The following SORCS3 variants were observed in gnomAD, a reference collection of about 807,000 sequenced individuals.
SORCS3 encodes VPS10 domain-containing receptor SorCS3.
In SORCS3, 57 loss-of-function variants were observed where a neutral mutation model predicts 146.3. The ratio of observed to expected loss-of-function variants is 0.39; its 90% CI spans 0.31 to 0.49. The LOEUF (loss-of-function observed/expected upper bound fraction) is 0.49. Ranked by LOEUF, SORCS3 falls within the 20% of genes least tolerant of loss-of-function variation. SORCS3 has a pLI of 0.92. For synonymous variants in SORCS3, 653 were observed against 618.5 expected (o/e 1.06, Z -0.83); for missense variants, 1,341 against 1,575.5 (o/e 0.85, Z 2.52).
intron 7 of SORCS3, among the ~76,000 whole-genome samples, chr10:105,124,656 T>G (rs2133767700): frequency 6.6e-6 from 1 of 152,314 alleles, no homozygotes; most frequent in Non-Finnish European, 1.5e-5. Context: ...GTCTGATTCT[T>G]TAATCTCCAT....
intron 8 of SORCS3, among the ~76,000 whole-genome samples, chr10:105,145,367 G>A (rs1046035898): frequency 5.9e-5 from 9 of 152,148 alleles, no homozygotes; most frequent in Non-Finnish European, 7.4e-5. Context: ...AGAGCCTGGA[G>A]CACTTGTTCA....
At chr10:105,215,769 G>A (rs1010380446) in intron 18 of SORCS3, among the ~76,000 whole-genome samples, 3 of 152,188 alleles carry the variant, frequency 2.0e-5, no homozygotes, top group Admixed American at 6.5e-5. Flanking sequence ...CATCTGGGCT[G>A]CCATGGGGGA....
Position 105,256,744 on chromosome 10 carries a change from A to C in SORCS3, c.3338-75A>C. The C allele has an allele frequency of 3.6e-6, 4 of 1,113,658 alleles. No homozygotes were observed. In the South Asian group the frequency reaches 3.9e-5, roughly 11 times the overall value. 69.0% of individuals were successfully genotyped at this position (1,113,658 alleles called of 1,614,324 possible). A position where few individuals can be genotyped will look rare whatever the true frequency, so the allele number is the denominator to read the frequency against. The stretch of plus-strand genomic sequence containing the variant: ...TGGAGATCAGTGGCCTCCTTCCTGC[A>C]ATGAATACTCCCTCCAGCTAACAGC... On this transcript the variant is annotated intron_variant, in intron 24 of 26. Coordinates refer to ENST00000369701, the MANE Select transcript of SORCS3 (RefSeq NM_014978.3).
intron 5 of SORCS3, among the ~76,000 whole-genome samples, chr10:105,055,501 A>C (rs1184858318): frequency 3.3e-5 from 5 of 152,202 alleles, no homozygotes; most frequent in Non-Finnish European, 7.4e-5. Context: ...AAAGGATACC[A>C]GATGCTACAT....
intron 1 of SORCS3, among the ~76,000 whole-genome samples, chr10:104,736,582 A>T (rs765263201): frequency 1.1e-4 from 16 of 152,172 alleles, no homozygotes; most frequent in Non-Finnish European, 2.4e-4. Flanking sequence ...ATCCCCCAAC[A>T]TCTATGGCAT....
In SORCS3 at chr10:105,256,986, A is replaced by G. The variant is rs1318083441; in HGVS notation, c.3443+62A>G. The G allele has an allele frequency of 3.4e-5, 40 of 1,181,498 alleles. No homozygotes were observed. In the Middle Eastern group the frequency reaches 1.2e-3, roughly 34 times the overall value. 73.2% of individuals were successfully genotyped at this position (1,181,498 alleles called of 1,614,324 possible). On this transcript the variant is annotated intron_variant, in intron 25 of 26. Transcript: ENST00000369701. ...GGGGTCATTGCAAATGATTCTTCCT[A>G]TAACTAACTTTACTAAACTCATCGC... is the stretch of plus-strand genomic sequence containing the variant.
At chr10:105,017,864 A>G (rs1394017448) in intron 4 of SORCS3, among the ~76,000 whole-genome samples, 1 of 152,216 alleles carries the variant, frequency 6.6e-6, no homozygotes, top group African/African-American at 2.4e-5. Flanking sequence ...TAAGAATTGT[A>G]TCAGCCAAAG....
chr10:105,264,800 G>A lies in SORCS3; in HGVS notation c.*1426G>A, dbSNP rs1227217909. ...TACACATACCAATTTTTTTCAATAG[G>A]GTCACGTTAAGCCATGCTGTAAGCA... On this transcript the variant is annotated 3_prime_UTR_variant, in exon 27 of 27. Coordinates refer to ENST00000369701, the MANE Select transcript of SORCS3 (RefSeq NM_014978.3). The A allele has an allele frequency of 6.6e-6, 1 of 152,522 alleles. No individual in the cohort carries two copies. Among genetic ancestry groups the A allele is most frequent in the Non-Finnish European group, 1.5e-5 (1 of 68,036 alleles). 9.4% of individuals were successfully genotyped at this position (152,522 alleles called of 1,614,324 possible). A position where few individuals can be genotyped will look rare whatever the true frequency, so the allele number is the denominator to read the frequency against.
intron 20 of SORCS3, among the ~76,000 whole-genome samples, chr10:105,236,582 G>T (rs972148479): frequency 6.6e-6 from 1 of 152,098 alleles, no homozygotes; most frequent in Non-Finnish European, 1.5e-5. Context: ...GGCAGTTCTT[G>T]ACTGTTACCA....
At chr10:104,656,370 G>T (rs2015629432) in intron 1 of SORCS3, among the ~76,000 whole-genome samples, 1 of 152,120 alleles carries the variant, frequency 6.6e-6, no homozygotes, top group Non-Finnish European at 1.5e-5. Flanking sequence ...CAACAGCAAA[G>T]GGGTGGCCTG....
At position 105,049,816 on chromosome 10, in the gene SORCS3, G is replaced by A. The variant is rs2055398581; in HGVS notation, c.1028+6688G>A. Among the ~76,000 whole-genome samples, 3 of 151,988 alleles carry A rather than the reference G, an allele frequency of 2.0e-5. No homozygotes were observed. In the South Asian group the frequency reaches 6.2e-4, roughly 32 times the overall value. Reference sequence around the variant, plus strand: ...AATAGACACTGGAGACTACCAGAAGGGTGCGAGGAGGGCAAGGGCTGAATA... The same window carrying A: ...AATAGACACTGGAGACTACCAGAAGAGTGCGAGGAGGGCAAGGGCTGAATA... On this transcript the variant is annotated intron_variant, in intron 5 of 26. Coordinates refer to ENST00000369701, the MANE Select transcript of SORCS3 (RefSeq NM_014978.3).
chr10:105,218,141 A>T (rs1366766268), intron 19 of SORCS3, among the ~76,000 whole-genome samples: 1 of 152,172 alleles, frequency 6.6e-6, no homozygotes, highest in Non-Finnish European at 1.5e-5. Context: ...TCCAGTCACA[A>T]TGCCGGTAAA....
intron 13 of SORCS3, among the ~76,000 whole-genome samples, chr10:105,173,655 A>T (rs2056378091): frequency 6.6e-6 from 1 of 152,158 alleles, no homozygotes; most frequent in Admixed American, 6.5e-5. Flanking sequence ...TTGTCTTTTA[A>T]AGCTTAAATC....
At chr10:104,738,898 C>T (rs1265822792) in intron 1 of SORCS3, among the ~76,000 whole-genome samples, 1 of 152,180 alleles carries the variant, frequency 6.6e-6, no homozygotes, top group Non-Finnish European at 1.5e-5. Context: ...AGCTAACTCT[C>T]TTAATCCTAC....
intron 4 of SORCS3, among the ~76,000 whole-genome samples, chr10:104,991,741 C>T (rs187237637): frequency 1.6e-4 from 24 of 152,184 alleles, no homozygotes; most frequent in Non-Finnish European, 4.4e-5. Flanking sequence ...CCTTGTGATC[C>T]GCCCACCTTG....
intron 4 of SORCS3, among the ~76,000 whole-genome samples, chr10:104,993,350 TG>T (rs1382172785): frequency 3.3e-5 from 5 of 152,196 alleles, no homozygotes; most frequent in African/African-American, 1.2e-4. Context: ...GTGCCTCCCT[TG>T]GCTGCTCTCA....
chr10:104,849,472 G>A (rs1327896123), intron 2 of SORCS3, among the ~76,000 whole-genome samples: 1 of 150,352 alleles, frequency 6.7e-6, no homozygotes, highest in South Asian at 2.1e-4. Flanking sequence ...AGTTCCCATG[G>A]TTCCTAGAAA....
At chr10:105,151,056 A>G (rs193004660) in intron 9 of SORCS3, among the ~76,000 whole-genome samples, 11 of 152,318 alleles carry the variant, frequency 7.2e-5, no homozygotes, top group Admixed American at 2.0e-4. Flanking sequence ...GAGATTCATA[A>G]TTACTGGAAT....
chr10:105,081,110 C>T (rs1036070451), intron 5 of SORCS3, among the ~76,000 whole-genome samples: 5 of 151,902 alleles, frequency 3.3e-5, no homozygotes, highest in Admixed American at 1.3e-4. Context: ...TATGATTTGT[C>T]GGTTAAAATA....
Sources: gnomAD v4.1 joint callset for allele counts (sites outside exome capture counted in the v4.1 genomes callset) on GRCh38, gnomAD v4.1.1 for gene constraint, MANE v1.5 for transcripts, NCBI Gene and HGNC (gene_info 2026-07-23, HGNC 2026-07-21) for gene names.